Variants in HHIP observed in about 807,000 individuals in gnomAD.
The protein encoded by HHIP is hedgehog interacting protein.
A neutral mutation model predicts 74.0 loss-of-function variants in HHIP; 12 were observed. The ratio of observed to expected loss-of-function variants is 0.16; its 90% CI spans 0.10 to 0.26. The LOEUF is 0.26. Among genes scored for constraint, HHIP ranks in the 10% least tolerant of loss-of-function variants. HHIP has a pLI of 1.00. For missense variants in HHIP, 788 were observed against 845.0 expected, an observed-to-expected ratio of 0.93 and a Z score of 0.84; for synonymous variants, 309 against 311.6, an observed-to-expected ratio of 0.99 and a Z score of 0.09.
intron 11 of HHIP, among the ~76,000 whole-genome samples, chr4:144,723,805 C>A (rs1730713416): frequency 6.6e-6 from 1 of 152,148 alleles, no homozygotes. Flanking sequence ...CACTAGAGGT[C>A]ATGAACAAGT....
chr4:144,670,709 A>T (rs1279706845), intron 4 of HHIP, among the ~76,000 whole-genome samples: 1 of 140,788 alleles, frequency 7.1e-6, no homozygotes, highest in Non-Finnish European at 1.5e-5. Context: ...TTCTTTAAGA[A>T]AAAAAAAAAA....
In HHIP at chr4:144,646,734, A is replaced by C. The variant is rs1728270203; in HGVS notation, c.59A>C (p.Glu20Ala). The change falls in exon 1 of 13, where the codon GAA becomes GCA. Residue 20 changes from glutamate (E) to alanine (A), a missense_variant. Coordinates refer to ENST00000296575, the MANE Select transcript of HHIP (RefSeq NM_022475.3). ...CTGGCCGTGGCTCTGGGCTTCTTTG[A>C]AGGAGATGCTAAGTTTGGGGAAAGA... ...LLLAVALGFF[E>A]GDAKFGERNE... The C allele has an allele frequency of 6.2e-7, 1 of 1,614,042 alleles. No individual in the cohort carries two copies. Among genetic ancestry groups the C allele is most frequent in the East Asian group, 2.2e-5 (1 of 44,870 alleles).
chr4:144,694,572 A>C (rs550913840), intron 4 of HHIP, among the ~76,000 whole-genome samples: 2 of 152,002 alleles, frequency 1.3e-5, no homozygotes, highest in Admixed American at 6.6e-5. Context: ...GTAAAAACCA[A>C]ACTTCATAAA....
chr4:144,705,368 T>C (rs1232992754), intron 4 of HHIP, among the ~76,000 whole-genome samples: 1 of 152,184 alleles, frequency 6.6e-6, no homozygotes, highest in Non-Finnish European at 1.5e-5. Context: ...GGTTGCAGTA[T>C]TAGAGATTTT....
At chr4:144,692,015 G>A (rs1176265910) in intron 4 of HHIP, among the ~76,000 whole-genome samples, 3 of 151,992 alleles carry the variant, frequency 2.0e-5, no homozygotes, top group Non-Finnish European at 4.4e-5. Flanking sequence ...TCATGTACAG[G>A]AACAATATGC....
At chr4:144,701,021 T>G (rs1729967225) in intron 4 of HHIP, among the ~76,000 whole-genome samples, 2 of 152,212 alleles carry the variant, frequency 1.3e-5, no homozygotes, top group South Asian at 4.1e-4. Context: ...CTCTTTTTCC[T>G]TTCATGATGT....
At position 144,743,009 on chromosome 4, in the gene HHIP, A is replaced by C. The variant is rs1183218456; in HGVS notation, c.*5052A>C. The C allele has an allele frequency of 0.049, 74 of 1,518 alleles. 2 individuals are homozygous for C. The highest frequency in any genetic ancestry group is 0.16 in the Admixed American group (10 of 62). 0.1% of individuals were successfully genotyped at this position (1,518 alleles called of 1,614,324 possible). ...CATTATATATATATAATATATATAT[A>C]TTATATATATATAATATATATCTTA... On this transcript the variant is annotated 3_prime_UTR_variant, in exon 13 of 13. Coordinates refer to ENST00000296575, the MANE Select transcript of HHIP (RefSeq NM_022475.3).
intron 10 of HHIP, among the ~76,000 whole-genome samples, chr4:144,717,659 A>G (rs919738361): frequency 1.3e-5 from 2 of 152,194 alleles, no homozygotes; most frequent in African/African-American, 4.8e-5. Flanking sequence ...AGAGTACCCC[A>G]TCTGTTGTAT....
chr4:144,708,034 C>A, intron 6 of HHIP, 134 bp from the exon 7 acceptor site: 2 of 912,478 alleles, frequency 2.2e-6, no homozygotes, highest in Admixed American at 2.2e-5. Flanking sequence ...TGAGCCACTG[C>A]ATCCAGCCAC....
At chr4:144,701,932 G>A (rs1255697744) in intron 4 of HHIP, among the ~76,000 whole-genome samples, 1 of 152,184 alleles carries the variant, frequency 6.6e-6, no homozygotes, top group African/African-American at 2.4e-5. Flanking sequence ...ATTAAAGTAT[G>A]AAGAGAATGT....
chr4:144,686,874 G>A (rs972888055), intron 4 of HHIP, among the ~76,000 whole-genome samples: 6 of 151,776 alleles, frequency 4.0e-5, no homozygotes, highest in Non-Finnish European at 5.9e-5. Flanking sequence ...CAGTCACAGA[G>A]ACAAATATGA....
At chr4:144,715,507 A>T in intron 10 of HHIP, 77 bp downstream of exon 10, 1 of 1,376,600 alleles carries the variant, frequency 7.3e-7, no homozygotes. Flanking sequence ...CTGAAGAATA[A>T]ATACAGCAAT....
At chr4:144,651,177 G>A (rs962355154) in intron 1 of HHIP, among the ~76,000 whole-genome samples, 2 of 152,092 alleles carry the variant, frequency 1.3e-5, no homozygotes, top group African/African-American at 4.8e-5. Context: ...CACATTCTAA[G>A]TGTGTAGTGT....
At chr4:144,733,622 T>A (rs1056474011) in intron 11 of HHIP, among the ~76,000 whole-genome samples, 2 of 152,212 alleles carry the variant, frequency 1.3e-5, no homozygotes, top group African/African-American at 2.4e-5. Context: ...ATGATCACCT[T>A]CTTTTTATGG....
At position 144,740,701 on chromosome 4, in the gene HHIP, A is replaced by G. The variant is rs1731242996; in HGVS notation, c.*2744A>G. 2 of 152,220 alleles carry G rather than the reference A, an allele frequency of 1.3e-5. No homozygotes were observed. Among genetic ancestry groups the G allele is most frequent in the Non-Finnish European group, 2.9e-5 (2 of 68,036 alleles). 9.4% of individuals were successfully genotyped at this position (152,220 alleles called of 1,614,324 possible). Reference sequence around the variant, plus strand: ...AATTGGTTAAGAAGTATGAGCAGGAAAAAATTATTGTTTAATCACATGAAA... The same window carrying G: ...AATTGGTTAAGAAGTATGAGCAGGAGAAAATTATTGTTTAATCACATGAAA... On this transcript the variant is annotated 3_prime_UTR_variant, in exon 13 of 13. Transcript: ENST00000296575.
At position 144,738,988 on chromosome 4, in the gene HHIP, A is replaced by T. The variant is rs544976112; in HGVS notation, c.*1031A>T. On this transcript the variant is annotated 3_prime_UTR_variant, in exon 13 of 13. Coordinates refer to ENST00000296575, the MANE Select transcript of HHIP (RefSeq NM_022475.3). ...GACTGTCAGAGTCTATGTTATTAGAATGTTGCAGATTTCCACTGAATCGAA... is the reference window on the plus strand; with the variant it reads ...GACTGTCAGAGTCTATGTTATTAGATTGTTGCAGATTTCCACTGAATCGAA... The T allele has an allele frequency of 1.3e-5, 2 of 152,408 alleles. No individual in the cohort carries two copies. The highest frequency in any genetic ancestry group is 4.8e-5 in the African/African-American group (2 of 41,592). 9.4% of individuals were successfully genotyped at this position (152,408 alleles called of 1,614,324 possible).
At chr4:144,690,387 A>G (rs555451128) in intron 4 of HHIP, among the ~76,000 whole-genome samples, 4 of 152,306 alleles carry the variant, frequency 2.6e-5, no homozygotes, top group African/African-American at 9.6e-5. Context: ...CAATACCTGG[A>G]AAGTACTAGG....
At chr4:144,717,722 A>G (rs1319196104) in intron 10 of HHIP, among the ~76,000 whole-genome samples, 1 of 152,030 alleles carries the variant, frequency 6.6e-6, no homozygotes, top group South Asian at 2.1e-4. Flanking sequence ...GAGAGTTGAG[A>G]CTGAGCATCA....
At chr4:144,736,552 A>C (rs1731126782) in intron 12 of HHIP, among the ~76,000 whole-genome samples, 1 of 152,148 alleles carries the variant, frequency 6.6e-6, no homozygotes, top group African/African-American at 2.4e-5. Flanking sequence ...AGTATATTTA[A>C]ACTGAGGGTG....
Sources: allele counts gnomAD v4.1 joint callset (sites outside exome capture counted in the v4.1 genomes callset), GRCh38; gene constraint gnomAD v4.1.1; transcripts MANE v1.5; gene names NCBI Gene and HGNC (gene_info 2026-07-23, HGNC 2026-07-21).